Variants in YJU2 observed in about 807,000 individuals in gnomAD.
The protein encoded by YJU2 is YJU2 splicing factor homolog.
Under a neutral mutation model 39.6 loss-of-function variants are expected in YJU2, and 28 were observed. That is an observed-to-expected ratio of 0.71 (90% confidence interval 0.52 to 0.97). The LOEUF (loss-of-function observed/expected upper bound fraction) is 0.97, where lower values mean the gene tolerates loss of function less well. YJU2 is among the 50% of genes least tolerant of loss of function. The pLI is 0.00. For missense variants in YJU2, 328 were observed against 430.4 expected, an observed-to-expected ratio of 0.76 and a Z score of 2.11; for synonymous variants, 184 against 182.4, an observed-to-expected ratio of 1.01 and a Z score of -0.07.
chr19:4,264,729 C>G (rs1971102882), intron 6 of YJU2, among the ~76,000 whole-genome samples: 1 of 152,058 alleles, frequency 6.6e-6, no homozygotes, highest in South Asian at 2.1e-4. Context: ...TCAGGTGATT[C>G]ACCTGACTCG....
At chr19:4,251,962 G>A (rs1032635168) in intron 3 of YJU2, among the ~76,000 whole-genome samples, 2 of 151,952 alleles carry the variant, frequency 1.3e-5, no homozygotes, top group Middle Eastern at 3.4e-3. Flanking sequence ...ACTCCAGCCT[G>A]AGCAACGAAA....
intron 6 of YJU2, among the ~76,000 whole-genome samples, chr19:4,263,599 C>T (rs867505454): frequency 2.0e-5 from 3 of 151,802 alleles, no homozygotes; most frequent in African/African-American, 7.3e-5. Flanking sequence ...CATCTGAGGT[C>T]AGGAGTTCGA....
intron 5 of YJU2, among the ~76,000 whole-genome samples, chr19:4,258,740 T>C (rs1284639900): frequency 1.3e-5 from 2 of 152,252 alleles, no homozygotes; most frequent in East Asian, 3.9e-4. Flanking sequence ...TGGTGGAGCT[T>C]CGCAGGACGC....
intron 6 of YJU2, among the ~76,000 whole-genome samples, chr19:4,263,278 C>T (rs758035850): frequency 1.2e-4 from 19 of 152,168 alleles, no homozygotes; most frequent in Non-Finnish European, 2.5e-4. Context: ...GACTCAGCCT[C>T]CTTCCTTCTG....
In YJU2 at chr19:4,254,010, A is replaced by G. The variant is rs184454010; in HGVS notation, c.271-345A>G. The stretch of plus-strand genomic sequence containing the variant: ...TTTTTAGTAGAGACAGGGTTTCTCC[A>G]TGTTGGCCAGGCTGGTCTTGAATAC... On this transcript the variant is annotated intron_variant, in intron 3 of 7. Coordinates refer to ENST00000262962, the MANE Select transcript of YJU2 (RefSeq NM_018074.6). 3.9e-5 allele frequency among the ~76,000 whole-genome samples: 6 copies of G among 152,190 alleles called. No individual in the cohort carries two copies. In the East Asian group the frequency reaches 1.2e-3, roughly 29 times the overall value.
chr19:4,264,236 T>C (rs1340492633), intron 6 of YJU2, among the ~76,000 whole-genome samples: 1 of 112,778 alleles, frequency 8.9e-6, no homozygotes, highest in Non-Finnish European at 1.6e-5. Context: ...CACTCCAGCC[T>C]GGGCGACAGA....
chr19:4,262,934 T>C (rs1056060082), intron 6 of YJU2, among the ~76,000 whole-genome samples: 15 of 151,566 alleles, frequency 9.9e-5, no homozygotes, highest in African/African-American at 2.9e-4. Flanking sequence ...TAAGGCTGAG[T>C]GCAGTGGCTC....
chr19:4,262,415 G>A (rs1224683573), intron 6 of YJU2, among the ~76,000 whole-genome samples: 1 of 151,986 alleles, frequency 6.6e-6, no homozygotes. Flanking sequence ...GGGAAGGATG[G>A]TCTCAATCTC....
chr19:4,249,613 T>A (rs1030584481), intron 2 of YJU2, among the ~76,000 whole-genome samples: 1 of 151,990 alleles, frequency 6.6e-6, no homozygotes, highest in Non-Finnish European at 1.5e-5. Context: ...TAGATATATT[T>A]CAGCTCCTCC....
In YJU2 at chr19:4,258,441, C is replaced by T. The variant is rs1207369562; in HGVS notation, c.587+18C>T. 1.3e-6 allele frequency: 2 copies of T among 1,564,324 alleles called. No individual in the cohort carries two copies. Among genetic ancestry groups the T allele is most frequent in the Non-Finnish European group, 1.7e-6 (2 of 1,154,952 alleles). Reference sequence around the variant, plus strand: ...GAGACCGCGTGAGTCAGGGCCGGCCCAACCCAGCCCCACCTCGCAGCCTCT... The same window carrying T: ...GAGACCGCGTGAGTCAGGGCCGGCCTAACCCAGCCCCACCTCGCAGCCTCT... On this transcript the variant is annotated intron_variant, in intron 5 of 7. Coordinates refer to ENST00000262962, the MANE Select transcript of YJU2 (RefSeq NM_018074.6).
In YJU2 at chr19:4,258,330, C is replaced by T. The variant is rs767479418; in HGVS notation, c.494C>T (p.Ala165Val). ...QELKDLNQRQ[A>V]HVDFEAMLRQ... is the part of the protein sequence containing the mutation. ...CTGAAAGACCTGAACCAGCGGCAGGCGCACGTGGACTTCGAGGCTATGCTG... is the reference window on the plus strand; with the variant it reads ...CTGAAAGACCTGAACCAGCGGCAGGTGCACGTGGACTTCGAGGCTATGCTG... The change falls in exon 5 of 8, where the codon GCG (alanine) becomes GTG (valine). Residue 165 changes from alanine to valine, a missense_variant. Transcript: ENST00000262962. 7.6e-6 allele frequency: 12 copies of T among 1,581,600 alleles called. 1 individual carries two copies. Among genetic ancestry groups the T allele is most frequent in the African/African-American group, 2.7e-5 (2 of 74,634 alleles).
intron 7 of YJU2, 45 bp from the exon 8 acceptor site, chr19:4,268,539 G>C: frequency 7.1e-7 from 1 of 1,417,384 alleles, no homozygotes; most frequent in Non-Finnish European, 9.8e-7. Flanking sequence ...TCCCTGGCCT[G>C]TCTGCTGTGG....
chr19:4,251,557 G>A (rs1326306344), intron 3 of YJU2, among the ~76,000 whole-genome samples: 1 of 151,870 alleles, frequency 6.6e-6, no homozygotes, highest in East Asian at 1.9e-4. Context: ...GCATGGTGGC[G>A]GACTATAATC....
chr19:4,254,466 G>T lies in YJU2; in HGVS notation c.382G>T (p.Glu128Ter). 6.2e-7 allele frequency: 1 copy of T among 1,606,728 alleles called. No homozygotes were observed. Among genetic ancestry groups the T allele is most frequent in the South Asian group, 1.1e-5 (1 of 90,162 alleles). ...GAGGGTGCAGAAGGAGCGGGAGGAC[G>T]AGGAGCTGAACAACCCCATGAAGGT... ...EKRVQKERED[E>*]ELNNPMKVLE... The change falls in exon 4 of 8, where the codon GAG becomes TAG. Residue 128 changes from glutamate (E) to a stop codon, truncating the protein, a stop_gained. Transcript: ENST00000262962. LOFTEE classifies it high-confidence loss of function.
Position 4,268,804 on chromosome 19 carries a change from C to A in YJU2, c.*108C>A. The A allele has an allele frequency of 3.8e-6, 3 of 787,048 alleles. No homozygotes were observed. The highest frequency in any genetic ancestry group is 2.2e-5 in the Admixed American group (1 of 44,512). 48.8% of individuals were successfully genotyped at this position (787,048 alleles called of 1,614,324 possible). ...CAGGAGGCCTTGGCGTGACTGGAGG[C>A]CGGACAGACAAGCGCCAGCGTGCTC... On this transcript the variant is annotated 3_prime_UTR_variant, in exon 8 of 8. Coordinates refer to ENST00000262962, the MANE Select transcript of YJU2 (RefSeq NM_018074.6).
chr19:4,256,181 A>AAAATATAT (rs1001505791), intron 4 of YJU2, among the ~76,000 whole-genome samples: 1 of 125,898 alleles, frequency 7.9e-6, no homozygotes. Context: ...AAAAAAAAAA[A>AAAATATAT]ATATATATAT....
intron 4 of YJU2, among the ~76,000 whole-genome samples, chr19:4,255,121 G>T (rs952163774): frequency 2.0e-5 from 3 of 151,646 alleles, no homozygotes; most frequent in Non-Finnish European, 4.4e-5. Flanking sequence ...CTACTTGGGA[G>T]GCTGAGGCAG....
chr19:4,267,700 G>T lies in YJU2; in HGVS notation c.785G>T (p.Arg262Met). The change falls in exon 7 of 8, where the codon AGG becomes ATG. Residue 262 changes from arginine to methionine, a missense_variant. Coordinates refer to ENST00000262962, the MANE Select transcript of YJU2 (RefSeq NM_018074.6). Reference protein sequence around the residue: ...GSLGSRPPLSRLVVVKKAKAD... With the variant: ...GSLGSRPPLSMLVVVKKAKAD... Reference sequence around the variant, plus strand: ...CTGGGCAGCCGGCCCCCGCTGTCGAGGCTGGTCGTGGTGAAGAAGGCAAAG... The same window carrying T: ...CTGGGCAGCCGGCCCCCGCTGTCGATGCTGGTCGTGGTGAAGAAGGCAAAG... The T allele has an allele frequency of 6.2e-7, 1 of 1,613,460 alleles. No individual in the cohort carries two copies. The highest frequency in any genetic ancestry group is 8.5e-7 in the Non-Finnish European group (1 of 1,179,940).
intron 6 of YJU2, among the ~76,000 whole-genome samples, chr19:4,267,150 GT>G (rs1002545013): frequency 2.6e-5 from 4 of 152,160 alleles, no homozygotes; most frequent in Non-Finnish European, 5.9e-5. Context: ...AGAGCCAGCA[GT>G]GGGGAAGACA....
Sources: gnomAD v4.1 joint callset for allele counts (sites outside exome capture counted in the v4.1 genomes callset) on GRCh38, gnomAD v4.1.1 for gene constraint, MANE v1.5 for transcripts, NCBI Gene and HGNC (gene_info 2026-07-23, HGNC 2026-07-21) for gene names.